NAALADL2: variants seen among roughly 807,000 people sequenced by gnomAD.
The protein encoded by NAALADL2 is inactive N-acetylated-alpha-linked acidic dipeptidase-like protein 2.
A neutral mutation model predicts 87.2 loss-of-function variants in NAALADL2; 76 were observed. The observed-to-expected ratio is 0.87, with a 90% CI of 0.72 to 1.05. NAALADL2 has a LOEUF of 1.05. NAALADL2 is among the 50% of genes least tolerant of loss of function. The pLI is 0.00. For synonymous variants in NAALADL2, 354 were observed against 331.0 expected (o/e 1.07, Z -0.75); for missense variants, 1,089 against 945.8 (o/e 1.15, Z -1.99).
At chr3:175,653,777 G>C (rs1291590398) in intron 11 of NAALADL2, among the ~76,000 whole-genome samples, 1 of 152,066 alleles carries the variant, frequency 6.6e-6, no homozygotes, top group Non-Finnish European at 1.5e-5. Context: ...TTCTCTCTTT[G>C]GGGTTTTCCT....
intron 11 of NAALADL2, among the ~76,000 whole-genome samples, chr3:175,705,233 GA>G (rs1218465341): frequency 6.6e-6 from 1 of 152,086 alleles, no homozygotes; most frequent in Non-Finnish European, 1.5e-5. Flanking sequence ...AGAGGAAAAT[GA>G]GGTCCATAGA....
chr3:174,657,604 G>T (rs993528869), intron 2 of NAALADL2, among the ~76,000 whole-genome samples: 3 of 152,080 alleles, frequency 2.0e-5, no homozygotes, highest in Non-Finnish European at 4.4e-5. Context: ...TGGCGTATTC[G>T]TGACAACTGT....
intron 1 of NAALADL2, among the ~76,000 whole-genome samples, chr3:174,477,097 C>CA (rs200114967): frequency 1.5e-4 from 22 of 148,302 alleles, no homozygotes; most frequent in Admixed American, 2.7e-4. Context: ...AACTCTGTCT[C>CA]AAAAAAAAAG....
chr3:174,677,623 C>T (rs1046775957), intron 2 of NAALADL2, among the ~76,000 whole-genome samples: 3 of 152,082 alleles, frequency 2.0e-5, no homozygotes, highest in African/African-American at 7.2e-5. Context: ...CTAGTCACAA[C>T]ATTTTTATAT....
At chr3:175,362,925 G>A (rs890272559) in intron 5 of NAALADL2, among the ~76,000 whole-genome samples, 1 of 147,766 alleles carries the variant, frequency 6.8e-6, no homozygotes, top group Non-Finnish European at 1.5e-5. Context: ...TCATTTCCCT[G>A]ATCATTAGTG....
chr3:175,373,702 A>T (rs1167234498), intron 5 of NAALADL2, among the ~76,000 whole-genome samples: 1 of 152,178 alleles, frequency 6.6e-6, no homozygotes, highest in Non-Finnish European at 1.5e-5. Flanking sequence ...GCTAGGTCAC[A>T]TAGTAAGTGT....
At chr3:175,689,432 A>ATAGAATAATTT (rs1736750025) in intron 11 of NAALADL2, among the ~76,000 whole-genome samples, 1 of 152,176 alleles carries the variant, frequency 6.6e-6, no homozygotes. Flanking sequence ...TTTTAGAATA[A>ATAGAATAATTT]TAGAAAAAAG....
At chr3:175,198,504 G>A (rs896732497) in intron 2 of NAALADL2, among the ~76,000 whole-genome samples, 1 of 151,938 alleles carries the variant, frequency 6.6e-6, no homozygotes, top group African/African-American at 2.4e-5. Flanking sequence ...ACAAATATAT[G>A]AAATATACCT....
At chr3:175,233,073 A>T (rs1745223986) in intron 2 of NAALADL2, among the ~76,000 whole-genome samples, 1 of 152,214 alleles carries the variant, frequency 6.6e-6, no homozygotes, top group Non-Finnish European at 1.5e-5. Flanking sequence ...AAGTACAGAA[A>T]GTACAACACA....
At chr3:175,154,103 G>A (rs984447107) in intron 2 of NAALADL2, among the ~76,000 whole-genome samples, 7 of 152,034 alleles carry the variant, frequency 4.6e-5, no homozygotes. Flanking sequence ...TTGAAGTGGT[G>A]GCCAGTGTAA....
intron 3 of NAALADL2, among the ~76,000 whole-genome samples, chr3:175,241,738 T>G (rs1005814803): frequency 1.3e-5 from 2 of 152,106 alleles, no homozygotes; most frequent in Non-Finnish European, 2.9e-5. Context: ...AATAATAGTT[T>G]TAAAGCATAG....
intron 5 of NAALADL2, among the ~76,000 whole-genome samples, chr3:175,375,342 G>C (rs1767014753): frequency 6.6e-6 from 1 of 152,036 alleles, no homozygotes. Flanking sequence ...TTTTTACTGG[G>C]ATTGTGTTGA....
intron 11 of NAALADL2, among the ~76,000 whole-genome samples, chr3:175,700,258 T>C (rs761616579): frequency 1.2e-4 from 18 of 152,174 alleles, no homozygotes; most frequent in Non-Finnish European, 2.4e-4. Flanking sequence ...CAGCTTCAGT[T>C]GAGGCCGTTG....
intron 2 of NAALADL2, among the ~76,000 whole-genome samples, chr3:175,134,360 A>G (rs1026641940): frequency 6.6e-6 from 1 of 152,186 alleles, no homozygotes; most frequent in East Asian, 1.9e-4. Context: ...ATCTCCTGAA[A>G]GTGTGATGAT....
At chr3:175,012,480 G>C (rs1328240832) in intron 1 of NAALADL2, among the ~76,000 whole-genome samples, 1 of 152,028 alleles carries the variant, frequency 6.6e-6, no homozygotes, top group Admixed American at 6.6e-5. Flanking sequence ...TAAATTAATT[G>C]AGAAATGAAA....
At chr3:174,705,379 G>A (rs1425381974) in intron 2 of NAALADL2, among the ~76,000 whole-genome samples, 2 of 152,214 alleles carry the variant, frequency 1.3e-5, no homozygotes. Flanking sequence ...GTTATCTTCT[G>A]AAGAGCATAA....
At chr3:175,392,616 T>G (rs1769215702) in intron 5 of NAALADL2, among the ~76,000 whole-genome samples, 1 of 152,242 alleles carries the variant, frequency 6.6e-6, no homozygotes, top group East Asian at 1.9e-4. Flanking sequence ...TTTTTCTATT[T>G]GTAATGCAGC....
chr3:175,379,329 A>AT (rs777110478), intron 5 of NAALADL2, among the ~76,000 whole-genome samples: 1 of 152,036 alleles, frequency 6.6e-6, no homozygotes, highest in Non-Finnish European at 1.5e-5. Context: ...TAAAACTATT[A>AT]TTATTAATTC....
At chr3:174,979,916 A>G (rs1744895159) in intron 1 of NAALADL2, among the ~76,000 whole-genome samples, 1 of 152,064 alleles carries the variant, frequency 6.6e-6, no homozygotes, top group Non-Finnish European at 1.5e-5. Flanking sequence ...ATGACTCCCC[A>G]TTACCACCAT....
Sources: allele counts gnomAD v4.1 joint callset (sites outside exome capture counted in the v4.1 genomes callset), GRCh38; gene constraint gnomAD v4.1.1; transcripts MANE v1.5; gene names NCBI Gene and HGNC (gene_info 2026-07-23, HGNC 2026-07-21).